Variants in SLC16A12 observed in about 807,000 individuals in gnomAD.
SLC16A12 encodes the protein monocarboxylate transporter 12.
SLC16A12 carries 17 observed loss-of-function variants against 42.4 expected under a neutral mutation model. The ratio of observed to expected loss-of-function variants is 0.40; its 90% CI spans 0.27 to 0.60. The LOEUF is 0.60. Ranked by LOEUF, SLC16A12 falls within the 20% of genes least tolerant of loss-of-function variation. The pLI is 0.42. For missense variants in SLC16A12, 544 were observed against 623.0 expected (o/e 0.87, Z 1.35); for synonymous variants, 224 against 229.4 (o/e 0.98, Z 0.21).
chr10:89,432,984 A>T lies in SLC16A12; in HGVS notation c.*80T>A, dbSNP rs1312241121. 6 of 1,569,634 alleles carry T rather than the reference A, an allele frequency of 3.8e-6. No homozygotes were observed. The African/African-American group carries it at 4.1e-5, about 11-fold the overall frequency. On this transcript the variant is annotated 3_prime_UTR_variant, in exon 8 of 8. Transcript: ENST00000371790. Reference sequence around the variant, plus strand: ...CTTGGAAGGCAATCCTTCTGCCAAAATAAAAAGTTTCAGAAACATGAAGAA... The same window carrying T: ...CTTGGAAGGCAATCCTTCTGCCAAATTAAAAAGTTTCAGAAACATGAAGAA...
At chr10:89,541,177 C>T (rs1017446515) in intron 2 of SLC16A12, among the ~76,000 whole-genome samples, 11 of 151,888 alleles carry the variant, frequency 7.2e-5, no homozygotes, top group Admixed American at 1.3e-4. Context: ...CCGCCCGCCT[C>T]GGCCTCCCAA....
At chr10:89,533,543 C>G (rs1458696044) in intron 2 of SLC16A12, among the ~76,000 whole-genome samples, 1 of 152,080 alleles carries the variant, frequency 6.6e-6, no homozygotes, top group African/African-American at 2.4e-5. Context: ...AAACAGTCCT[C>G]ATATAAAACA....
At chr10:89,437,423 C>CT (rs1841820034) in intron 6 of SLC16A12, among the ~76,000 whole-genome samples, 1 of 152,104 alleles carries the variant, frequency 6.6e-6, no homozygotes, top group Non-Finnish European at 1.5e-5. Context: ...GCAAATATTG[C>CT]ACTGGCTCAT....
intron 3 of SLC16A12, among the ~76,000 whole-genome samples, chr10:89,450,841 T>G (rs1274671884): frequency 5.3e-5 from 8 of 152,232 alleles, no homozygotes; most frequent in Admixed American, 4.6e-4. Context: ...AATAATTATT[T>G]TAATCTTTAT....
At chr10:89,454,721 G>A in intron 3 of SLC16A12, among the ~76,000 whole-genome samples, 1 of 151,684 alleles carries the variant, frequency 6.6e-6, no homozygotes, top group East Asian at 1.9e-4. Flanking sequence ...CTTCCTCCAG[G>A]AAGGTTTCCC....
At chr10:89,466,811 G>A (rs777570922) in intron 2 of SLC16A12, among the ~76,000 whole-genome samples, 29 of 152,074 alleles carry the variant, frequency 1.9e-4, no homozygotes, top group Non-Finnish European at 2.9e-4. Flanking sequence ...CAGTTCCTGC[G>A]TGCTTCACCT....
intron 2 of SLC16A12, among the ~76,000 whole-genome samples, chr10:89,551,799 A>T (rs898541699): frequency 5.9e-5 from 9 of 152,246 alleles, no homozygotes; most frequent in Non-Finnish European, 1.3e-4. Context: ...AGGCATCCTC[A>T]GCCATGTGGA....
chr10:89,477,545 C>T (rs1161928519), intron 2 of SLC16A12, among the ~76,000 whole-genome samples: 4 of 53,754 alleles, frequency 7.4e-5, no homozygotes, highest in Non-Finnish European at 1.0e-4. Context: ...GCCTGGGCAA[C>T]AAGAGCAAAA....
intron 2 of SLC16A12, among the ~76,000 whole-genome samples, chr10:89,531,743 A>G (rs1356352250): frequency 6.6e-6 from 1 of 152,210 alleles, no homozygotes; most frequent in African/African-American, 2.4e-5. Context: ...CGTGTCTTCA[A>G]AAAGAGGCAA....
At chr10:89,492,969 A>G (rs1003283314) in intron 2 of SLC16A12, among the ~76,000 whole-genome samples, 2 of 152,136 alleles carry the variant, frequency 1.3e-5, no homozygotes, top group East Asian at 1.9e-4. Flanking sequence ...GGCTAGACCC[A>G]TAAGAGTCAC....
intron 2 of SLC16A12, among the ~76,000 whole-genome samples, chr10:89,549,261 G>T (rs1391841482): frequency 6.6e-6 from 1 of 152,124 alleles, no homozygotes; most frequent in Admixed American, 6.5e-5. Context: ...TACACATAAG[G>T]CATCCAGATA....
At chr10:89,454,967 G>A (rs1480087072) in intron 3 of SLC16A12, among the ~76,000 whole-genome samples, 1 of 152,132 alleles carries the variant, frequency 6.6e-6, no homozygotes, top group Non-Finnish European at 1.5e-5. Context: ...AGCCAGGAAG[G>A]AAGGAAAGGA....
chr10:89,554,861 T>G (rs1244967614), intron 2 of SLC16A12, among the ~76,000 whole-genome samples: 1 of 152,212 alleles, frequency 6.6e-6, no homozygotes, highest in African/African-American at 2.4e-5. Flanking sequence ...TTCCACTAGA[T>G]AATGTCTAAG....
chr10:89,539,902 T>TTTCTTTCTTTCTTTCTTTCC (rs1491094652), upstream of SLC16A12, among the ~76,000 whole-genome samples: 40 of 148,092 alleles, frequency 2.7e-4, no homozygotes, highest in African/African-American at 1.0e-3. Flanking sequence ...TCTTTCTTTC[T>TTTCTTTCTTTCTTTCTTTCC]TTCTTTCTTT....
Position 89,430,728 on chromosome 10 carries a change from C to A in SLC16A12, c.*2336G>T, listed in dbSNP as rs1478903780. 1.3e-5 allele frequency: 6 copies of A among 462,846 alleles called. No individual in the cohort carries two copies. The highest frequency in any genetic ancestry group is 2.7e-5 in the Non-Finnish European group (6 of 224,980). 28.7% of individuals were successfully genotyped at this position (462,846 alleles called of 1,614,324 possible). A position where few individuals can be genotyped will look rare whatever the true frequency, so the allele number is the denominator to read the frequency against. On this transcript the variant is annotated 3_prime_UTR_variant, in exon 8 of 8. Transcript: ENST00000371790. ...AATCTATGCATGTATAAAGTCAAATCTCCCAAATGTTTTTATACAAAATCT... is the reference window on the plus strand; with the variant it reads ...AATCTATGCATGTATAAAGTCAAATATCCCAAATGTTTTTATACAAAATCT...
intron 2 of SLC16A12, among the ~76,000 whole-genome samples, chr10:89,480,056 T>G (rs1842640455): frequency 1.3e-5 from 2 of 152,120 alleles, no homozygotes; most frequent in Admixed American, 1.3e-4. Flanking sequence ...TAACACAACA[T>G]GGCTCAGAAA....
chr10:89,542,306 C>CT (rs200847363), intron 2 of SLC16A12, among the ~76,000 whole-genome samples: 57,363 of 136,902 alleles, frequency 0.42, 12,869 homozygotes, highest in African/African-American at 0.6. Flanking sequence ...CTTTTTTTTT[C>CT]TTTTTTTTTT....
At chr10:89,492,537 G>A (rs1281494562) in intron 2 of SLC16A12, among the ~76,000 whole-genome samples, 6 of 152,012 alleles carry the variant, frequency 3.9e-5, no homozygotes, top group African/African-American at 7.3e-5. Flanking sequence ...TCAGGAGTTC[G>A]AGACCAGCCT....
chr10:89,493,007 G>C (rs1842868627), intron 2 of SLC16A12, among the ~76,000 whole-genome samples: 1 of 152,068 alleles, frequency 6.6e-6, no homozygotes, highest in Non-Finnish European at 1.5e-5. Flanking sequence ...AGAACAACAA[G>C]GAAGATGTGG....
Sources: gnomAD v4.1 joint callset for allele counts (sites outside exome capture counted in the v4.1 genomes callset) on GRCh38, gnomAD v4.1.1 for gene constraint, MANE v1.5 for transcripts, NCBI Gene and HGNC (gene_info 2026-07-23, HGNC 2026-07-21) for gene names.